PRKN: variants seen among roughly 807,000 people sequenced by gnomAD.
The protein encoded by PRKN is E3 ubiquitin-protein ligase parkin.
In PRKN, 56 loss-of-function variants were observed where a neutral mutation model predicts 59.5. The observed-to-expected ratio is 0.94, with a 90% CI of 0.76 to 1.18. The LOEUF (loss-of-function observed/expected upper bound fraction) is 1.18. Ranked by LOEUF, PRKN falls within the 50% of genes most tolerant of loss-of-function variation. The pLI, the probability that PRKN is intolerant of heterozygous loss-of-function variation, is 0.00. For synonymous variants in PRKN, 250 were observed against 222.1 expected (o/e 1.13, Z -1.12); for missense variants, 657 against 596.4 (o/e 1.10, Z -1.06).
chr6:161,558,669 A>G (rs2115453202), intron 8 of PRKN, among the ~76,000 whole-genome samples: 1 of 152,318 alleles, frequency 6.6e-6, no homozygotes, highest in Non-Finnish European at 1.5e-5. Flanking sequence ...AAAAACTATA[A>G]TAACGTCAGA....
At chr6:162,140,715 A>C (rs1669653054) in intron 4 of PRKN, among the ~76,000 whole-genome samples, 1 of 116,152 alleles carries the variant, frequency 8.6e-6, no homozygotes, top group South Asian at 2.4e-4. Context: ...CCACAAATGA[A>C]AGCAATTTAA....
chr6:162,058,202 T>C (rs1401258563), intron 4 of PRKN, among the ~76,000 whole-genome samples: 3 of 152,238 alleles, frequency 2.0e-5, no homozygotes, highest in East Asian at 1.9e-4. Context: ...AAATTACCCT[T>C]GGCTTCATAT....
chr6:161,892,707 C>T (rs964671220), intron 6 of PRKN, among the ~76,000 whole-genome samples: 1 of 152,012 alleles, frequency 6.6e-6, no homozygotes, highest in Non-Finnish European at 1.5e-5. Flanking sequence ...CCACTGCACT[C>T]CAGCCTTGGT....
chr6:161,620,783 TAAA>T (rs1191657585), intron 7 of PRKN, among the ~76,000 whole-genome samples: 1 of 152,204 alleles, frequency 6.6e-6, no homozygotes, highest in Non-Finnish European at 1.5e-5. Context: ...TCATCTATGT[TAAA>T]AAACCTTCAA....
rs2128286394 is a variant in PRKN at position 162,056,890 on chromosome 6, C to T, written c.535-2716G>A. 6.6e-6 allele frequency among the ~76,000 whole-genome samples: 1 copy of T among 152,296 alleles called. No homozygotes were observed. The highest frequency in any genetic ancestry group is 2.1e-4 in the South Asian group (1 of 4,820). ...CACGCGTTGTCACAACTGAGTGCCT[C>T]TCGAGTGACCACTGGGGGAGGACTC... On this transcript the variant is annotated intron_variant, in intron 4 of 11. Transcript: ENST00000366898. This position sits in a 1 kb window ranked among gnomAD's most constrained non-coding sequence, Gnocchi z 4.9.
rs148348038 is a variant in PRKN, at chr6:161,890,180, A to G, written c.734+83122T>C. ...GTTCTTATTTTACAGTATTCTGAGA[A>G]TGTTATCTTACTTCCTAGCTTTTTA... On this transcript the variant is annotated intron_variant, in intron 6 of 11. Coordinates refer to ENST00000366898, the MANE Select transcript of PRKN (RefSeq NM_004562.3). 1.6e-3 allele frequency among the ~76,000 whole-genome samples: 250 copies of G among 152,310 alleles called. 2 individuals carry two copies. Among genetic ancestry groups the G allele is most frequent in the African/African-American group, 5.6e-3 (231 of 41,568 alleles).
intron 4 of PRKN, among the ~76,000 whole-genome samples, chr6:162,147,344 G>GAAAAAAAA (rs767653516): frequency 7.1e-5 from 3 of 42,060 alleles, no homozygotes; most frequent in Admixed American, 2.7e-4. Context: ...CTCTGTCTCA[G>GAAAAAAAA]AAAAAAAAAA....
intron 2 of PRKN, among the ~76,000 whole-genome samples, chr6:162,281,890 G>A (rs993175360): frequency 1.3e-5 from 2 of 152,120 alleles, no homozygotes; most frequent in African/African-American, 4.8e-5. Context: ...ATGGGGATGG[G>A]GTGTGGTTTG....
chr6:161,781,255 G>A (rs938524266), intron 7 of PRKN, among the ~76,000 whole-genome samples: 10 of 152,068 alleles, frequency 6.6e-5, no homozygotes, highest in Admixed American at 2.6e-4. Flanking sequence ...AATAGCAACT[G>A]GTATTTTAAA....
At chr6:162,391,290 C>T (rs1177604169) in intron 2 of PRKN, among the ~76,000 whole-genome samples, 8 of 149,236 alleles carry the variant, frequency 5.4e-5, no homozygotes, top group African/African-American at 7.4e-5. Context: ...ATGACTTCCT[C>T]CTGGAAGATA....
chr6:161,850,271 T>A (rs1793371675), intron 6 of PRKN, among the ~76,000 whole-genome samples: 1 of 151,928 alleles, frequency 6.6e-6, no homozygotes, highest in South Asian at 2.1e-4. Context: ...CAGGGAAACA[T>A]AAGGGAAAGG....
intron 7 of PRKN, among the ~76,000 whole-genome samples, chr6:161,636,316 G>C (rs796845894): frequency 2.6e-5 from 4 of 152,246 alleles, no homozygotes; most frequent in Non-Finnish European, 5.9e-5. Context: ...CTCAGAGAAA[G>C]GGCTGGCAGG....
chr6:162,651,517 A>G (rs1778430549), intron 1 of PRKN, among the ~76,000 whole-genome samples: 1 of 152,234 alleles, frequency 6.6e-6, no homozygotes, highest in African/African-American at 2.4e-5. Context: ...GAGGAGACAC[A>G]TTAACCTGAA....
chr6:161,508,512 C>T (rs982741576), intron 9 of PRKN, among the ~76,000 whole-genome samples: 2 of 152,190 alleles, frequency 1.3e-5, no homozygotes, highest in African/African-American at 4.8e-5. Context: ...AAATTCTCCC[C>T]TGCCATATTG....
intron 1 of PRKN, among the ~76,000 whole-genome samples, chr6:162,607,101 G>A (rs571834770): frequency 9.9e-5 from 15 of 152,232 alleles, no homozygotes; most frequent in African/African-American, 3.4e-4. Context: ...AATTTTACAC[G>A]GGTGGGGTTT....
chr6:161,899,639 G>A (rs927025098), intron 6 of PRKN, among the ~76,000 whole-genome samples: 25 of 152,076 alleles, frequency 1.6e-4, no homozygotes, highest in Admixed American at 7.2e-4. Context: ...TCAGCTTATC[G>A]ATGATATCAC....
chr6:162,350,186 A>G (rs1784567285), intron 2 of PRKN, among the ~76,000 whole-genome samples: 1 of 152,172 alleles, frequency 6.6e-6, no homozygotes, highest in African/African-American at 2.4e-5. Context: ...ACAAAACACC[A>G]CTGAGAGGAA....
intron 7 of PRKN, among the ~76,000 whole-genome samples, chr6:161,614,814 C>T (rs778670828): frequency 3.7e-4 from 57 of 152,362 alleles, no homozygotes; most frequent in African/African-American, 1.1e-3. Context: ...CTTTCCCCCA[C>T]CCTTAATCAA....
intron 4 of PRKN, among the ~76,000 whole-genome samples, chr6:162,188,626 G>A (rs1784130820): frequency 6.6e-6 from 1 of 152,092 alleles, no homozygotes; most frequent in Admixed American, 6.6e-5. Flanking sequence ...GCTGTTCTTT[G>A]AAAAGAAAAC....
Sources: allele counts gnomAD v4.1 joint callset (sites outside exome capture counted in the v4.1 genomes callset), GRCh38; gene constraint gnomAD v4.1.1; non-coding constraint Gnocchi (gnomAD v3.1); transcripts MANE v1.5; gene names NCBI Gene and HGNC (gene_info 2026-07-23, HGNC 2026-07-21).